The following TENM2 variants were observed in gnomAD, a reference collection of about 807,000 sequenced individuals.
The protein encoded by TENM2 is teneurin-2.
TENM2 carries 52 observed loss-of-function variants against 245.2 expected under a neutral mutation model. The ratio of observed to expected loss-of-function variants is 0.21; its 90% CI spans 0.17 to 0.27. TENM2 has a LOEUF of 0.27. Among genes scored for constraint, TENM2 ranks in the 10% least tolerant of loss-of-function variants. TENM2 has a pLI of 1.00. For synonymous variants in TENM2, 1,363 were observed against 1,438.9 expected, an observed-to-expected ratio of 0.95 and a Z score of 1.19; for missense variants, 3,046 against 3,666.8, an observed-to-expected ratio of 0.83 and a Z score of 4.37.
chr5:167,916,785 G>C (rs1410862421), intron 3 of TENM2, among the ~76,000 whole-genome samples: 1 of 152,220 alleles, frequency 6.6e-6, no homozygotes, highest in Non-Finnish European at 1.5e-5. Flanking sequence ...CTTATTCTCT[G>C]TGGCCCACTG....
At chr5:167,685,482 C>G (rs1221078797) in intron 2 of TENM2, among the ~76,000 whole-genome samples, 1 of 152,092 alleles carries the variant, frequency 6.6e-6, no homozygotes, top group Non-Finnish European at 1.5e-5. Context: ...TAAAGAATCC[C>G]CGATGTGATC....
At chr5:167,452,202 A>G (rs573317448) in intron 2 of TENM2, among the ~76,000 whole-genome samples, 1 of 152,334 alleles carries the variant, frequency 6.6e-6, no homozygotes, top group South Asian at 2.1e-4. Context: ...GGGGTGACGG[A>G]CAACTTATTT....
chr5:167,955,101 C>T (rs1034713657), intron 4 of TENM2, among the ~76,000 whole-genome samples: 1 of 152,162 alleles, frequency 6.6e-6, no homozygotes, highest in Admixed American at 6.5e-5. Context: ...AAAAGCATTC[C>T]TATTTCTCCA....
chr5:168,170,079 T>C (rs1758662524), intron 13 of TENM2, among the ~76,000 whole-genome samples: 1 of 152,256 alleles, frequency 6.6e-6, no homozygotes, highest in Non-Finnish European at 1.5e-5. Context: ...AACAGGGATC[T>C]GAAGTTATTC....
At chr5:167,053,247 GACTTACA>G in the TENM2 span, among the ~76,000 whole-genome samples, 2 of 152,070 alleles carry the variant, frequency 1.3e-5, no homozygotes, top group African/African-American at 2.4e-5. Context: ...ATTACATGGA[GACTTACA>G]AAATATGCTC....
chr5:167,959,264 G>A (rs374003229), intron 4 of TENM2, among the ~76,000 whole-genome samples: 11 of 149,482 alleles, frequency 7.4e-5, no homozygotes, highest in Admixed American at 1.3e-4. Context: ...GCGCGATCTC[G>A]GCTCACTGCA....
chr5:167,041,771 G>A, the TENM2 span, among the ~76,000 whole-genome samples: 1 of 152,026 alleles, frequency 6.6e-6, no homozygotes, highest in South Asian at 2.1e-4. Flanking sequence ...AGCTGACTTT[G>A]TTCTTCACTG....
At position 167,891,619 on chromosome 5, in the gene TENM2, CT is replaced by C. The variant is rs1472871311; in HGVS notation, c.712+15425del. On this transcript the variant is annotated intron_variant, in intron 3 of 28. Coordinates refer to ENST00000518659, the Ensembl canonical transcript of TENM2. ...AGAATTCAAACTCAAGTTTTTGTTA[CT>C]GTTTTTATGTTTGACACGGGAGTAT... is the stretch of plus-strand genomic sequence containing the variant. Among the ~76,000 whole-genome samples, 16 of 152,268 alleles carry C rather than the reference CT, an allele frequency of 1.1e-4. No homozygotes were observed. In the South Asian group the frequency reaches 3.1e-3, roughly 30 times the overall value.
At chr5:167,731,699 T>TTG (rs973610930) in intron 2 of TENM2, among the ~76,000 whole-genome samples, 1 of 146,198 alleles carries the variant, frequency 6.8e-6, no homozygotes, top group African/African-American at 2.5e-5. Flanking sequence ...TCTCAGAGGT[T>TTG]TTTTTTTTTT....
the TENM2 span, among the ~76,000 whole-genome samples, chr5:167,278,217 T>A: frequency 6.6e-6 from 1 of 152,118 alleles, no homozygotes; most frequent in Non-Finnish European, 1.5e-5. Context: ...GACAGGAAGA[T>A]CGCTTGTGTC....
intron 2 of TENM2, among the ~76,000 whole-genome samples, chr5:167,411,573 A>AGAGTGTGT (rs752919344): frequency 1.3e-4 from 19 of 145,148 alleles, no homozygotes; most frequent in African/African-American, 4.1e-4. Flanking sequence ...TGTAGGTGAG[A>AGAGTGTGT]GTGTGTGTGT....
Position 167,298,332 on chromosome 5 carries a change from G to C in TENM2, c.226+13269G>C, listed in dbSNP as rs568588547. Among the ~76,000 whole-genome samples, 51 of 152,330 alleles carry C rather than the reference G, an allele frequency of 3.3e-4. 1 individual carries two copies. The highest frequency in any genetic ancestry group is 8.3e-4 in the South Asian group (4 of 4,826). ...TGAAAAACTAAATGGGGCCGGGTGC[G>C]GTGGCTCACGCCTGTAATCCCAGCA... On this transcript the variant is annotated intron_variant, in intron 1 of 28. Transcript: ENST00000518659.
chr5:167,292,650 A>C (rs1279706754), intron 1 of TENM2, among the ~76,000 whole-genome samples: 1 of 152,222 alleles, frequency 6.6e-6, no homozygotes. Context: ...AGGGGTTCCT[A>C]AAAGGCAACT....
intron 4 of TENM2, among the ~76,000 whole-genome samples, chr5:167,983,342 T>C (rs1203322435): frequency 1.3e-5 from 2 of 152,220 alleles, no homozygotes; most frequent in African/African-American, 2.4e-5. Context: ...AAAAATGCTA[T>C]GTTGTATCAC....
chr5:167,210,549 T>C, the TENM2 span, among the ~76,000 whole-genome samples: 30,086 of 148,300 alleles, frequency 0.2, 3,418 homozygotes, highest in African/African-American at 0.34. Flanking sequence ...CTGCAAGCTC[T>C]GCTTCCCGGG....
the TENM2 span, among the ~76,000 whole-genome samples, chr5:167,156,219 C>T: frequency 2.0e-5 from 3 of 152,102 alleles, no homozygotes; most frequent in African/African-American, 7.2e-5. Flanking sequence ...CCCTGCTTTA[C>T]GAGACTTTGG....
the TENM2 span, among the ~76,000 whole-genome samples, chr5:167,269,306 C>G: frequency 6.6e-6 from 1 of 151,962 alleles, no homozygotes; most frequent in African/African-American, 2.4e-5. Context: ...TTTAACAAAG[C>G]TTTATTGGGC....
Position 168,192,592 on chromosome 5 carries a change from A to G in TENM2, c.2780+2045A>G, listed in dbSNP as rs80220379. On this transcript the variant is annotated intron_variant, in intron 14 of 28. Coordinates refer to ENST00000518659, the Ensembl canonical transcript of TENM2. ...TCTTTCTATTTTATTTGACTTTAAC[A>G]TATACTATACACAGTATTATTACTG... Among the ~76,000 whole-genome samples the G allele has an allele frequency of 5.4e-4, 83 of 152,328 alleles. 1 individual carries two copies. The East Asian group carries it at 0.013, about 24-fold the overall frequency.
chr5:167,248,396 C>T, the TENM2 span, among the ~76,000 whole-genome samples: 1 of 152,116 alleles, frequency 6.6e-6, no homozygotes, highest in Non-Finnish European at 1.5e-5. Context: ...TTCAGAATCC[C>T]ACGGAGGGTT....
Sources: allele counts gnomAD v4.1 joint callset (sites outside exome capture counted in the v4.1 genomes callset), GRCh38; gene constraint gnomAD v4.1.1; transcripts MANE v1.5; gene names NCBI Gene and HGNC (gene_info 2026-07-23, HGNC 2026-07-21).